Variants in DVL2 observed in about 807,000 individuals in gnomAD.
DVL2 encodes the protein dishevelled segment polarity protein 2, also known as segment polarity protein dishevelled homolog DVL-2.
DVL2 carries 38 observed loss-of-function variants against 69.8 expected under a neutral mutation model. That is an observed-to-expected ratio of 0.54 (90% confidence interval 0.42 to 0.71). The LOEUF is 0.71. DVL2 is among the 30% of genes least tolerant of loss of function. The pLI, the probability that DVL2 is intolerant of heterozygous loss-of-function variation, is 0.00. For missense variants in DVL2, 931 were observed against 1,008.1 expected (o/e 0.92, Z 1.04); for synonymous variants, 428 against 392.4 (o/e 1.09, Z -1.07).
At chr17:7,232,227 C>T (rs2071553776) in intron 1 of DVL2, among the ~76,000 whole-genome samples, 2 of 152,216 alleles carry the variant, frequency 1.3e-5, no homozygotes, top group African/African-American at 4.8e-5. Flanking sequence ...AGACTCTCTA[C>T]CCTAGTTGTT....
chr17:7,230,164 G>A lies in DVL2; in HGVS notation c.411-9C>T, dbSNP rs752247302. ...TGCTGGACACATTAGGGCTGGACAG[G>A]CAGAGATGGTTTCCAACCCACATCA... is the stretch of plus-strand genomic sequence containing the variant. On this transcript the variant is annotated splice_polypyrimidine_tract_variant and intron_variant, in intron 3 of 14. Coordinates refer to ENST00000005340, the MANE Select transcript of DVL2 (RefSeq NM_004422.3). 6.2e-7 allele frequency: 1 copy of A among 1,613,332 alleles called. No individual in the cohort carries two copies. Among genetic ancestry groups the A allele is most frequent in the Non-Finnish European group, 8.5e-7 (1 of 1,179,446 alleles).
chr17:7,226,803 G>T, intron 13 of DVL2, 164 bp from the exon 14 acceptor site: 1 of 658,826 alleles, frequency 1.5e-6, no homozygotes, highest in Non-Finnish European at 2.5e-6. Context: ...ATCTACTTCT[G>T]CCATGAGGGC....
Position 7,226,494 on chromosome 17 carries a change from C to A in DVL2, c.1689G>T (p.Pro563=). 3 of 1,581,564 alleles carry A rather than the reference C, an allele frequency of 1.9e-6. No individual in the cohort carries two copies. The highest frequency in any genetic ancestry group is 4.5e-5 in the East Asian group (2 of 44,540). Residue 563 remains proline (P), a synonymous_variant, in exon 14 of 15, where the codon CCG becomes CCT. Transcript: ENST00000005340. ...AAAGCTCATGGTAGGGTGGAGGCTG[C>A]GGGCTGTAGGGGTGTGGGGCAGGGT... ...YQYPAPHPYS[P]QPPPYHELSS...
chr17:7,226,089 C>T lies in DVL2; in HGVS notation c.1987G>A (p.Gly663Arg), dbSNP rs2142991756. The change falls in exon 15 of 15, where the codon GGG becomes AGG. Residue 663 changes from glycine to arginine, a missense_variant. This residue lies in a region of DVL2 where 314 missense variants were observed against 313.7 expected (regional missense o/e 1.00). Transcript: ENST00000005340. ...GGGGGCGGTCCATAGGGATGGAGCC[C>T]TGGGTGGGCTCGGAGATTAGGGGCA... ...GGAPNLRAHP[G>R]LHPYGPPPGM... 2.5e-6 allele frequency: 4 copies of T among 1,594,594 alleles called. No homozygotes were observed. The highest frequency in any genetic ancestry group is 3.4e-6 in the Non-Finnish European group (4 of 1,169,300).
At chr17:7,233,988 C>T in intron 1 of DVL2, 81 bp downstream of exon 1, 3 of 1,489,648 alleles carry the variant, frequency 2.0e-6, no homozygotes, top group Non-Finnish European at 2.8e-6. Flanking sequence ...CAGTGTGGCC[C>T]AAAGTAGACG....
rs1324730572 is a variant in DVL2 at position 7,227,675 on chromosome 17, G to A, written c.1211C>T (p.Ser404Phe). ...PGSSSMSTITSGSSLPDGCEG... is the reference protein window; with the variant it reads ...PGSSSMSTITFGSSLPDGCEG... ...CTCACCATCAGGCAAAGACGATCCAGATGTAATGGTGCTCATGGAGGAGGA... is the reference window on the plus strand; with the variant it reads ...CTCACCATCAGGCAAAGACGATCCAAATGTAATGGTGCTCATGGAGGAGGA... Residue 404 changes from serine to phenylalanine, a missense_variant, in exon 11 of 15, where the codon TCT (serine) becomes TTT (phenylalanine). Around this residue, in one of 3 missense-constraint regions of DVL2, gnomAD observed 555 missense variants for 588.8 expected, o/e 0.94. Transcript: ENST00000005340. 2 of 1,614,014 alleles carry A rather than the reference G, an allele frequency of 1.2e-6. No individual in the cohort carries two copies. The highest frequency in any genetic ancestry group is 8.5e-7 in the Non-Finnish European group (1 of 1,180,002).
In DVL2 at chr17:7,226,441, G is replaced by A; in HGVS notation, c.1742C>T (p.Ala581Val). The A allele has an allele frequency of 6.5e-7, 1 of 1,538,512 alleles. No homozygotes were observed. The highest frequency in any genetic ancestry group is 8.7e-7 in the Non-Finnish European group (1 of 1,143,156). Residue 581 changes from alanine to valine, a missense_variant, in exon 14 of 15, where the codon GCC becomes GTC. Ala to Val is a moderately conservative substitution (Grantham distance 64). This residue lies in a region of DVL2 where 314 missense variants were observed against 313.7 expected (regional missense o/e 1.00). Transcript: ENST00000005340. ...LSSYTYGGGSASSQHSEGSRS... is the reference protein window; with the variant it reads ...LSSYTYGGGSVSSQHSEGSRS... Reference sequence around the variant, plus strand: ...CTTACCCTCACTATGCTGGCTGCTGGCACTGCCCCCACCATAGGTGTAAGA... The same window carrying A: ...CTTACCCTCACTATGCTGGCTGCTGACACTGCCCCCACCATAGGTGTAAGA...
intron 1 of DVL2, 114 bp downstream of exon 1, chr17:7,233,955 C>A (rs1349950502): frequency 1.7e-6 from 2 of 1,152,784 alleles, no homozygotes; most frequent in Admixed American, 1.9e-5. Flanking sequence ...GTACAATCTG[C>A]TCCACCATAG....
At position 7,227,738 on chromosome 17, in the gene DVL2, G is replaced by T. The variant is rs1291469270; in HGVS notation, c.1148C>A (p.Ser383Tyr). Residue 383 changes from serine (S) to tyrosine (Y), a missense_variant, in exon 11 of 15, where the codon TCC becomes TAC. Coordinates refer to ENST00000005340, the MANE Select transcript of DVL2 (RefSeq NM_004422.3). ...PIDPAAWVSH[S>Y]AALTGTFPAY... The stretch of plus-strand genomic sequence containing the variant: ...TGGGAAGGTGCCAGTCAGAGCCGCG[G>T]AATGGGACACCCAGGCAGCAGGGTC... 6.2e-7 allele frequency: 1 copy of T among 1,600,952 alleles called. No individual in the cohort carries two copies. Among genetic ancestry groups the T allele is most frequent in the South Asian group, 1.1e-5 (1 of 89,374 alleles).
chr17:7,228,788 G>A (rs1279804828), intron 9 of DVL2, 181 bp downstream of exon 9: 2 of 604,228 alleles, frequency 3.3e-6, no homozygotes, highest in Admixed American at 5.8e-5. Flanking sequence ...CACCACATTG[G>A]TCAGGCTGGT....
chr17:7,230,052 G>C lies in DVL2; in HGVS notation c.514C>G (p.His172Asp), dbSNP rs2071518748. The change falls in exon 4 of 15, where the codon CAT (histidine) becomes GAT (aspartate). Residue 172 changes from histidine to aspartate, a missense_variant. Around this residue, in one of 3 missense-constraint regions of DVL2, gnomAD observed 555 missense variants for 588.8 expected, o/e 0.94. Transcript: ENST00000005340. ...CCCCAGGCCTGCCCCTCACCGCCAT[G>C]CTCACTGCTGTCTCTCCTGCGAGGC... The part of the protein sequence containing the change: ...ERPRRRDSSE[H>D]GAGGHRTGGP... The C allele has an allele frequency of 1.2e-6, 2 of 1,613,914 alleles. No homozygotes were observed. The highest frequency in any genetic ancestry group is 1.7e-6 in the Non-Finnish European group (2 of 1,180,024).
In DVL2 at chr17:7,229,164, G is replaced by A. The variant is rs376743029; in HGVS notation, c.928C>T (p.Arg310Cys). 16 of 1,613,990 alleles carry A rather than the reference G, an allele frequency of 9.9e-6. No homozygotes were observed. The highest frequency in any genetic ancestry group is 2.2e-5 in the East Asian group (1 of 44,886). The change falls in exon 8 of 15, where the codon CGC becomes TGC. Residue 310 changes from arginine (R) to cysteine (C), a missense_variant. Around this residue, in one of 3 missense-constraint regions of DVL2, gnomAD observed 555 missense variants for 588.8 expected, o/e 0.94. Transcript: ENST00000005340. The surrounding 1 kb of genome is among the most constrained non-coding windows in gnomAD (Gnocchi z 4.4). ...AAAAGCATGTCCCCTGGCTCAATGCGCCCGTCGGCCGCCACAGCCCCACCC... is the reference window on the plus strand; with the variant it reads ...AAAAGCATGTCCCCTGGCTCAATGCACCCGTCGGCCGCCACAGCCCCACCC... ...MKGGAVAADG[R>C]IEPGDMLLQV... is the part of the protein sequence containing the mutation.
Position 7,229,360 on chromosome 17 carries a change from C to A in DVL2, c.817+18G>T. 1.9e-6 allele frequency: 3 copies of A among 1,613,914 alleles called. No individual in the cohort carries two copies. Among genetic ancestry groups the A allele is most frequent in the Non-Finnish European group, 2.5e-6 (3 of 1,179,986 alleles). ...GACCAGGCCCTCCCCACGCCCTAGC[C>A]ACAGGCTCTCCCCATACCCATGTTT... is the stretch of plus-strand genomic sequence containing the variant. On this transcript the variant is annotated intron_variant, in intron 7 of 14. Coordinates refer to ENST00000005340, the MANE Select transcript of DVL2 (RefSeq NM_004422.3). This position sits in a 1 kb window ranked among gnomAD's most constrained non-coding sequence, Gnocchi z 4.4.
chr17:7,227,891 C>A, intron 10 of DVL2, 86 bp downstream of exon 10: 1 of 1,565,582 alleles, frequency 6.4e-7, no homozygotes, highest in South Asian at 1.2e-5. Context: ...CCTCCTCCCA[C>A]CCATTCCCCA....
At chr17:7,227,361 C>T (rs1192917941) in intron 12 of DVL2, 43 bp downstream of exon 12, 3 of 1,606,970 alleles carry the variant, frequency 1.9e-6, no homozygotes, top group Admixed American at 3.3e-5. Flanking sequence ...TTGGTCACCA[C>T]CTCCTCCCCT....
Position 7,226,611 on chromosome 17 carries a change from G to T in DVL2, c.1572C>A (p.Asn524Lys). Residue 524 changes from asparagine to lysine, a missense_variant, in exon 14 of 15, where the codon AAC (asparagine) becomes AAA (lysine). Transcript: ENST00000005340. ...SYLVNLSLND[N>K]DGSSGASDQD... Reference sequence around the variant, plus strand: ...GGTCTGAAGCCCCACTGGAGCCATCGTTGTCATTGAGAGACAGGTTGACTA... The same window carrying T: ...GGTCTGAAGCCCCACTGGAGCCATCTTTGTCATTGAGAGACAGGTTGACTA... The T allele has an allele frequency of 6.3e-7, 1 of 1,581,550 alleles. No homozygotes were observed. The highest frequency in any genetic ancestry group is 1.7e-4 in the Middle Eastern group (1 of 5,830).
rs998811978 is a variant in DVL2 at position 7,226,658 on chromosome 17, G to A, written c.1544-19C>T. ...ACTAGGTCTGGAAAGCAAGGGAAGA[G>A]AGGAAGAAATCACTGCTTCAAGAGG... On this transcript the variant is annotated intron_variant, in intron 13 of 14. Transcript: ENST00000005340. 5 of 1,495,134 alleles carry A rather than the reference G, an allele frequency of 3.3e-6. No individual in the cohort carries two copies. Among genetic ancestry groups the A allele is most frequent in the South Asian group, 1.3e-5 (1 of 75,980 alleles). The allele number at this position is 1,495,134 out of a possible 1,614,324, so 92.6% of individuals were successfully genotyped here. A position where few individuals can be genotyped will look rare whatever the true frequency, so the allele number is the denominator to read the frequency against.
Position 7,230,417 on chromosome 17 carries a change from T to C in DVL2, c.278A>G (p.Asp93Gly), listed in dbSNP as rs936419179. Residue 93 changes from aspartate to glycine, a missense_variant, in exon 3 of 15, where the codon GAT becomes GGT. By Grantham distance (94) the Asp-to-Gly change is moderately conservative. This residue lies in a region of DVL2 where 555 missense variants were observed against 588.8 expected (regional missense o/e 0.94). Coordinates refer to ENST00000005340, the MANE Select transcript of DVL2 (RefSeq NM_004422.3). The part of the protein sequence containing the change: ...GRVVSWLVSS[D>G]NPQPEMAPPV... Reference sequence around the variant, plus strand: ...AGGGGCCATCTCGGGTTGGGGATTATCTGAGGACACCAGCTAGAAGGGTGC... The same window carrying C: ...AGGGGCCATCTCGGGTTGGGGATTACCTGAGGACACCAGCTAGAAGGGTGC... 2 of 1,614,088 alleles carry C rather than the reference T, an allele frequency of 1.2e-6. No individual in the cohort carries two copies. The highest frequency in any genetic ancestry group is 1.7e-6 in the Non-Finnish European group (2 of 1,180,022).
In DVL2 at chr17:7,234,450, C is replaced by T. The variant is rs2071604031; in HGVS notation, c.-188G>A. On this transcript the variant is annotated 5_prime_UTR_variant, in exon 1 of 15. Transcript: ENST00000005340. The stretch of plus-strand genomic sequence containing the variant: ...GGGGGGCGGGCCGCGGGGTGCGACT[C>T]AAAGCCCCGGTCTCAGCGGCCGCCG... 1.5e-6 allele frequency: 1 copy of T among 679,590 alleles called. No homozygotes were observed. Among genetic ancestry groups the T allele is most frequent in the Non-Finnish European group, 2.3e-6 (1 of 432,816 alleles). The allele number at this position is 679,590 out of a possible 1,614,324, so 42.1% of individuals were successfully genotyped here. A position where few individuals can be genotyped will look rare whatever the true frequency, so the allele number is the denominator to read the frequency against.
Sources: allele counts gnomAD v4.1 joint callset (sites outside exome capture counted in the v4.1 genomes callset), GRCh38; gene constraint gnomAD v4.1.1; regional missense constraint gnomAD v4.1.1; non-coding constraint Gnocchi (gnomAD v3.1); transcripts MANE v1.5; gene names NCBI Gene and HGNC (gene_info 2026-07-23, HGNC 2026-07-21).